Variants in ADGRB3 observed in about 807,000 individuals in gnomAD.
ADGRB3 encodes the protein adhesion G protein-coupled receptor B3, also known as brain-specific angiogenesis inhibitor 3.
In ADGRB3, 37 loss-of-function variants were observed where a neutral mutation model predicts 193.4. The ratio of observed to expected loss-of-function variants is 0.19; its 90% CI spans 0.15 to 0.25. The LOEUF (loss-of-function observed/expected upper bound fraction) is 0.25. ADGRB3 is among the 10% of genes least tolerant of loss of function. The probability of loss-of-function intolerance (pLI) is 1.00; values close to 1 mark genes in which losing one functional copy is unlikely to be tolerated. For missense variants in ADGRB3, 1,637 were observed against 1,852.9 expected (o/e 0.88, Z 2.14); for synonymous variants, 690 against 644.2 (o/e 1.07, Z -1.08).
At position 68,957,998 on chromosome 6, in the gene ADGRB3, CGAG is replaced by C. The variant is rs1433245937; in HGVS notation, c.1525+1190_1525+1192del. Among the ~76,000 whole-genome samples the C allele has an allele frequency of 3.9e-5, 6 of 151,958 alleles. No individual in the cohort carries two copies. The South Asian group carries it at 1.2e-3, about 32-fold the overall frequency. ...GATAAATCACCTGAGGTCAGGAGTTCGAGACCAGCCTGGCCAACGTGGCGAAAC... is the reference window on the plus strand; with the variant it reads ...GATAAATCACCTGAGGTCAGGAGTTCACCAGCCTGGCCAACGTGGCGAAAC... On this transcript the variant is annotated intron_variant, in intron 8 of 31. Coordinates refer to ENST00000370598, the MANE Select transcript of ADGRB3 (RefSeq NM_001704.3).
intron 5 of ADGRB3, 131 bp from the exon 6 acceptor site, chr6:68,943,699 T>C (rs1767700250): frequency 1.5e-6 from 1 of 657,562 alleles, no homozygotes. Context: ...AATAAGAATG[T>C]TATCTCAACT....
At chr6:68,711,602 G>T (rs1418683360) in intron 3 of ADGRB3, among the ~76,000 whole-genome samples, 7 of 151,786 alleles carry the variant, frequency 4.6e-5, no homozygotes, top group Non-Finnish European at 1.0e-4. Flanking sequence ...GTTGGTTTTT[G>T]GCTGAAGAAT....
chr6:69,120,021 C>A (rs928255574), intron 17 of ADGRB3, among the ~76,000 whole-genome samples: 1 of 151,936 alleles, frequency 6.6e-6, no homozygotes, highest in Non-Finnish European at 1.5e-5. Context: ...TGGTCAGATT[C>A]CAAAGATCAT....
chr6:68,758,047 G>A (rs1463433708), intron 3 of ADGRB3, among the ~76,000 whole-genome samples: 1 of 151,986 alleles, frequency 6.6e-6, no homozygotes, highest in Non-Finnish European at 1.5e-5. Flanking sequence ...CAGCTAGGAA[G>A]CCTTACAGAC....
At position 68,812,049 on chromosome 6, in the gene ADGRB3, A is replaced by G. The variant is rs187618002; in HGVS notation, c.758-118510A>G. Among the ~76,000 whole-genome samples the G allele has an allele frequency of 2.0e-4, 31 of 152,350 alleles. 1 individual carries two copies. The highest frequency in any genetic ancestry group is 7.2e-4 in the African/African-American group (30 of 41,590). On this transcript the variant is annotated intron_variant, in intron 3 of 31. Transcript: ENST00000370598. ...TTTAACCAGAACTTTTATGATTCTC[A>G]GAATTTGAACAGGGTCACAGAGGTG...
Position 69,317,035 on chromosome 6 carries a change from A to C in ADGRB3, c.2815-7837A>C, listed in dbSNP as rs115991522. 9.8e-3 allele frequency among the ~76,000 whole-genome samples: 1,480 copies of C among 151,624 alleles called. 23 individuals carry two copies. The highest frequency in any genetic ancestry group is 0.034 in the African/African-American group (1,413 of 41,488). On this transcript the variant is annotated intron_variant, in intron 20 of 31. Transcript: ENST00000370598. ...GTGAGAATAGTGGTTATCTTTGGGA[A>C]GCTTTGGGACTGGCAGGATGGAGAT... is the stretch of plus-strand genomic sequence containing the variant.
intron 17 of ADGRB3, among the ~76,000 whole-genome samples, chr6:69,138,064 G>T (rs1774207050): frequency 6.6e-6 from 1 of 152,140 alleles, no homozygotes; most frequent in Non-Finnish European, 1.5e-5. Flanking sequence ...TAATTATTCA[G>T]ACCTAGAAAC....
At chr6:68,853,154 A>G (rs1768439397) in intron 3 of ADGRB3, among the ~76,000 whole-genome samples, 1 of 152,080 alleles carries the variant, frequency 6.6e-6, no homozygotes, top group African/African-American at 2.4e-5. Flanking sequence ...ATTTTTACCC[A>G]TGAGTAAAGC....
In ADGRB3 at chr6:69,092,458, C is replaced by T. The variant is rs1280340019; in HGVS notation, c.2480+16420C>T. 5.3e-5 allele frequency among the ~76,000 whole-genome samples: 8 copies of T among 152,136 alleles called. 1 individual carries two copies. The highest frequency in any genetic ancestry group is 6.3e-3 in the Middle Eastern group (2 of 316). On this transcript the variant is annotated intron_variant, in intron 17 of 31. Coordinates refer to ENST00000370598, the MANE Select transcript of ADGRB3 (RefSeq NM_001704.3). ...TCAAGTTTTATTCATCTTCCAACCCCGTCCCCACCCTATTCCAAACCTGTA... is the reference window on the plus strand; with the variant it reads ...TCAAGTTTTATTCATCTTCCAACCCTGTCCCCACCCTATTCCAAACCTGTA...
At chr6:69,362,941 G>A (rs1436011087) in intron 29 of ADGRB3, among the ~76,000 whole-genome samples, 1 of 151,948 alleles carries the variant, frequency 6.6e-6, no homozygotes, top group Non-Finnish European at 1.5e-5. Context: ...AACATTATAA[G>A]TAATCATAAT....
intron 13 of ADGRB3, among the ~76,000 whole-genome samples, chr6:69,041,616 C>T (rs989828933): frequency 3.0e-5 from 4 of 134,104 alleles, no homozygotes; most frequent in Non-Finnish European, 6.6e-5. Context: ...AAAGATAGCT[C>T]GTAGGAATTT....
intron 6 of ADGRB3, among the ~76,000 whole-genome samples, chr6:68,948,097 A>G (rs185878406): frequency 1.4e-3 from 209 of 152,298 alleles, no homozygotes; most frequent in African/African-American, 4.9e-3. Context: ...AAACCTTAAT[A>G]AATCATCTAG....
chr6:68,787,955 G>C (rs889135977), intron 3 of ADGRB3, among the ~76,000 whole-genome samples: 1 of 152,134 alleles, frequency 6.6e-6, no homozygotes, highest in African/African-American at 2.4e-5. Context: ...GGTGTTTATA[G>C]TATTCTCTGA....
chr6:69,047,996 A>G (rs1247799965), intron 13 of ADGRB3, among the ~76,000 whole-genome samples, 189 bp from the exon 14 acceptor site: 3 of 152,210 alleles, frequency 2.0e-5, no homozygotes, highest in African/African-American at 7.2e-5. Context: ...ACTAAGACTG[A>G]TAAGTAAAAT....
intron 20 of ADGRB3, among the ~76,000 whole-genome samples, chr6:69,317,291 GACATTC>G (rs1398854276): frequency 1.3e-5 from 2 of 151,362 alleles, no homozygotes; most frequent in African/African-American, 4.8e-5. Flanking sequence ...ATTAATCTCT[GACATTC>G]TGAAAGTAGA....
At chr6:69,338,300 TTTA>T (rs1336636512) in intron 24 of ADGRB3, among the ~76,000 whole-genome samples, 1 of 152,190 alleles carries the variant, frequency 6.6e-6, no homozygotes, top group Non-Finnish European at 1.5e-5. Flanking sequence ...CTATCACTCT[TTTA>T]TTATCAACTA....
chr6:68,867,279 G>T lies in ADGRB3; in HGVS notation c.758-63280G>T, dbSNP rs561474879. 2.0e-5 allele frequency among the ~76,000 whole-genome samples: 3 copies of T among 152,314 alleles called. No individual in the cohort carries two copies. In the East Asian group the frequency reaches 5.8e-4, roughly 29 times the overall value. On this transcript the variant is annotated intron_variant, in intron 3 of 31. Transcript: ENST00000370598. ...TCCAGCTTCAGCCATGGCTAAAAGG[G>T]GGAAGGTACAGCTCAGGCTGTGGCT...
chr6:69,128,196 A>G (rs1773908899), intron 17 of ADGRB3, among the ~76,000 whole-genome samples: 1 of 152,114 alleles, frequency 6.6e-6, no homozygotes, highest in Admixed American at 6.5e-5. Context: ...TCATCTTCTT[A>G]TGTTCACTGT....
intron 23 of ADGRB3, among the ~76,000 whole-genome samples, chr6:69,330,997 G>A (rs1335363107): frequency 1.3e-5 from 2 of 151,850 alleles, no homozygotes; most frequent in African/African-American, 2.4e-5. Flanking sequence ...ATATATTCTC[G>A]ACCTCAGTGA....
Sources: allele counts gnomAD v4.1 joint callset (sites outside exome capture counted in the v4.1 genomes callset), GRCh38; gene constraint gnomAD v4.1.1; transcripts MANE v1.5; gene names NCBI Gene and HGNC (gene_info 2026-07-23, HGNC 2026-07-21).